ASPRV1: variants seen among roughly 807,000 people sequenced by gnomAD.
ASPRV1 encodes aspartic peptidase retroviral like 1.
Under a neutral mutation model 11.0 loss-of-function variants are expected in ASPRV1, and 7 were observed. The ratio of observed to expected loss-of-function variants is 0.64; its 90% CI spans 0.36 to 1.20. The LOEUF (loss-of-function observed/expected upper bound fraction) is 1.20. Ranked by LOEUF, ASPRV1 falls within the 50% of genes most tolerant of loss-of-function variation. The probability of loss-of-function intolerance (pLI) is 0.02; values close to 1 mark genes in which losing one functional copy is unlikely to be tolerated. For missense variants in ASPRV1, 299 were observed against 320.0 expected (o/e 0.93, Z 0.50); for synonymous variants, 136 against 138.4 (o/e 0.98, Z 0.12).
chr2:69,988,978 T>G, the ASPRV1 span: 1 of 333,182 alleles, frequency 3.0e-6, no homozygotes, highest in Admixed American at 3.9e-5. Context: ...CTGCCACCAC[T>G]AAAGAACACT....
chr2:70,011,450 G>C, the ASPRV1 span, among the ~76,000 whole-genome samples: 1 of 152,076 alleles, frequency 6.6e-6, no homozygotes, highest in African/African-American at 2.4e-5. Context: ...GGAGAGATTG[G>C]GAAAATGTTT....
chr2:70,078,253 T>C, the ASPRV1 span, among the ~76,000 whole-genome samples: 1 of 152,312 alleles, frequency 6.6e-6, no homozygotes, highest in East Asian at 1.9e-4. Flanking sequence ...AACAAAGTCC[T>C]AACCATCATG....
the ASPRV1 span, chr2:69,988,700 C>T: frequency 1.3e-5 from 6 of 447,154 alleles, no homozygotes; most frequent in South Asian, 7.9e-5. Context: ...ATATATTTTA[C>T]CACAATTAGA....
the ASPRV1 span, chr2:70,046,069 C>T: frequency 5.9e-5 from 9 of 152,246 alleles, no homozygotes; most frequent in African/African-American, 2.2e-4. Context: ...TACAGAACAT[C>T]AGCTCAGATT....
the ASPRV1 span, among the ~76,000 whole-genome samples, chr2:70,058,551 ATTT>A: frequency 1.4e-5 from 2 of 138,674 alleles, no homozygotes; most frequent in Non-Finnish European, 3.1e-5. Context: ...CTCTGAAGAA[ATTT>A]TTTTTTTTTT....
At chr2:70,023,350 G>A in the ASPRV1 span, among the ~76,000 whole-genome samples, 1 of 152,196 alleles carries the variant, frequency 6.6e-6, no homozygotes, top group Non-Finnish European at 1.5e-5. Context: ...GGGAAGAGAG[G>A]TCTATGCCTT....
the ASPRV1 span, chr2:70,032,159 A>C: frequency 6.6e-6 from 1 of 152,236 alleles, no homozygotes; most frequent in Non-Finnish European, 1.5e-5. Context: ...CATGCTGGGC[A>C]GTCAAAGCCC....
the ASPRV1 span, chr2:69,938,822 G>A: frequency 6.5e-6 from 1 of 153,642 alleles, no homozygotes; most frequent in Non-Finnish European, 1.5e-5. Context: ...TAGAAAACAC[G>A]CCCTTCACAC....
chr2:69,950,541 A>G, the ASPRV1 span, among the ~76,000 whole-genome samples: 3 of 152,094 alleles, frequency 2.0e-5, no homozygotes, highest in Non-Finnish European at 2.9e-5. Context: ...AAACAATCTA[A>G]ATGTTAAAAA....
chr2:70,006,586 T>A, the ASPRV1 span, among the ~76,000 whole-genome samples: 1 of 151,864 alleles, frequency 6.6e-6, no homozygotes, highest in Non-Finnish European at 1.5e-5. Context: ...GGGAGCCCAG[T>A]CCAGCCCAGA....
At chr2:70,087,256 C>T in the ASPRV1 span, 1 of 152,172 alleles carries the variant, frequency 6.6e-6, no homozygotes, top group Non-Finnish European at 1.5e-5. Flanking sequence ...AATACGTCAT[C>T]ATTTTAAAAC....
At chr2:69,967,534 T>G in the ASPRV1 span, among the ~76,000 whole-genome samples, 1 of 152,188 alleles carries the variant, frequency 6.6e-6, no homozygotes, top group Non-Finnish European at 1.5e-5. Context: ...AGTTAGTGCA[T>G]GTGGACGCAC....
chr2:70,080,232 GTT>G, the ASPRV1 span, among the ~76,000 whole-genome samples: 14 of 143,844 alleles, frequency 9.7e-5, no homozygotes, highest in African/African-American at 2.5e-4. Flanking sequence ...TGCCCCTTCT[GTT>G]TTTTTTTTTT....
chr2:70,024,561 C>T, the ASPRV1 span, among the ~76,000 whole-genome samples: 9 of 152,174 alleles, frequency 5.9e-5, no homozygotes, highest in South Asian at 2.1e-4. Flanking sequence ...TCTGGCTCAG[C>T]CCCAAGGTTG....
chr2:69,943,759 G>A, the ASPRV1 span, among the ~76,000 whole-genome samples: 5 of 152,132 alleles, frequency 3.3e-5, no homozygotes, highest in Admixed American at 6.5e-5. Flanking sequence ...CCTTTCCAGC[G>A]TGAGTCTCAT....
In ASPRV1 at chr2:69,960,411, G is replaced by T. The variant is rs990028991; in HGVS notation, c.*246C>A. 2 of 489,884 alleles carry T rather than the reference G, an allele frequency of 4.1e-6. No homozygotes were observed. Among genetic ancestry groups the T allele is most frequent in the Non-Finnish European group, 7.3e-6 (2 of 273,776 alleles). The allele number at this position is 489,884 out of a possible 1,614,324, so 30.3% of individuals were successfully genotyped here. A position where few individuals can be genotyped will look rare whatever the true frequency, so the allele number is the denominator to read the frequency against. On this transcript the variant is annotated 3_prime_UTR_variant, in exon 1 of 1. Transcript: ENST00000320256. ...CTTTGAGTCTTTGTCATCAACAGCA[G>T]CTTGATGACCATGGGGACCCTGTCC...
the ASPRV1 span, among the ~76,000 whole-genome samples, chr2:70,074,830 C>T: frequency 6.6e-6 from 1 of 151,214 alleles, no homozygotes; most frequent in Non-Finnish European, 1.5e-5. Context: ...AGAGCATGAA[C>T]TCGGGGCCAG....
the ASPRV1 span, among the ~76,000 whole-genome samples, chr2:70,063,265 G>C: frequency 6.6e-6 from 1 of 152,180 alleles, no homozygotes; most frequent in African/African-American, 2.4e-5. Context: ...AAATTTAAGA[G>C]CCAGGTCAGA....
the ASPRV1 span, among the ~76,000 whole-genome samples, chr2:69,988,237 G>A: frequency 6.6e-6 from 1 of 152,318 alleles, no homozygotes; most frequent in East Asian, 1.9e-4. Flanking sequence ...AGCATTATTG[G>A]TTTGCAATAG....
Sources: gnomAD v4.1 joint callset for allele counts (sites outside exome capture counted in the v4.1 genomes callset) on GRCh38, gnomAD v4.1.1 for gene constraint, MANE v1.5 for transcripts, NCBI Gene and HGNC (gene_info 2026-07-23, HGNC 2026-07-21) for gene names.